GDAP2: variants seen among roughly 807,000 people sequenced by gnomAD.
The protein encoded by GDAP2 is ganglioside induced differentiation associated protein 2, also known as ganglioside-induced differentiation-associated protein 2.
GDAP2 carries 51 observed loss-of-function variants against 67.0 expected under a neutral mutation model. The observed-to-expected ratio is 0.76, with a 90% CI of 0.61 to 0.96. GDAP2 has a LOEUF of 0.96. Ranked by LOEUF, GDAP2 falls within the 40% of genes least tolerant of loss-of-function variation. The pLI is 0.00. For missense variants in GDAP2, 547 were observed against 588.3 expected (o/e 0.93, Z 0.73); for synonymous variants, 203 against 207.3 (o/e 0.98, Z 0.18).
chr1:117,924,400 G>C (rs1018689523), intron 1 of GDAP2, among the ~76,000 whole-genome samples: 1 of 152,186 alleles, frequency 6.6e-6, no homozygotes, highest in Non-Finnish European at 1.5e-5. Context: ...TTCTGTTCCT[G>C]CATTAGTTTG....
Position 117,920,269 on chromosome 1 carries a change from G to A in GDAP2, c.89C>T (p.Ser30Phe), listed in dbSNP as rs557284173. The change falls in exon 2 of 14, where the codon TCT becomes TTT. Residue 30 changes from serine (S) to phenylalanine (F), a missense_variant. Ser to Phe is a radical substitution (Grantham distance 155). Coordinates refer to ENST00000369443, the MANE Select transcript of GDAP2 (RefSeq NM_017686.4). ...GDSCQDELNS[S>F]DTTAEIFQED... ...CTGAAATATTTCAGCTGTAGTATCA[G>A]AGGAATTTAATTCATCTTGGCATGA... The A allele has an allele frequency of 3.7e-6, 6 of 1,607,324 alleles. No individual in the cohort carries two copies. In the African/African-American group the frequency reaches 5.3e-5, roughly 14 times the overall value.
intron 8 of GDAP2, among the ~76,000 whole-genome samples, chr1:117,888,869 T>A (rs536093963): frequency 1.3e-5 from 2 of 152,116 alleles, no homozygotes; most frequent in Admixed American, 1.3e-4. Context: ...TAAAGTACAA[T>A]TGCACAACTG....
chr1:117,906,731 G>C (rs918247096), intron 5 of GDAP2, 149 bp from the exon 6 acceptor site: 8 of 552,670 alleles, frequency 1.4e-5, no homozygotes, highest in Non-Finnish European at 2.5e-5. Context: ...AGTGAAGCCT[G>C]CCCATACTAC....
In GDAP2 at chr1:117,868,500, G is replaced by A. The variant is rs1411647486; in HGVS notation, c.*2069C>T. ...GAACATCCTTTCAAAATCATTGCCT[G>A]TAAGAAATTGTATATATAAATTTGC... On this transcript the variant is annotated 3_prime_UTR_variant, in exon 14 of 14. Coordinates refer to ENST00000369443, the MANE Select transcript of GDAP2 (RefSeq NM_017686.4). 6.6e-6 allele frequency: 1 copy of A among 152,144 alleles called. No individual in the cohort carries two copies. Among genetic ancestry groups the A allele is most frequent in the Admixed American group, 6.6e-5 (1 of 15,262 alleles). The allele number at this position is 152,144 out of a possible 1,614,324, so 9.4% of individuals were successfully genotyped here. A position where few individuals can be genotyped will look rare whatever the true frequency, so the allele number is the denominator to read the frequency against.
chr1:117,876,150 T>C (rs1648446492), intron 13 of GDAP2, among the ~76,000 whole-genome samples: 1 of 152,106 alleles, frequency 6.6e-6, no homozygotes, highest in Non-Finnish European at 1.5e-5. Context: ...TGTGAGGTGT[T>C]TGAGTCATGG....
At chr1:117,898,970 C>T (rs1454621778) in intron 7 of GDAP2, 87 bp downstream of exon 7, 8 of 955,744 alleles carry the variant, frequency 8.4e-6, no homozygotes, top group Non-Finnish European at 1.2e-5. Flanking sequence ...TTCCAAAGGT[C>T]AAGCTGAATT....
intron 8 of GDAP2, among the ~76,000 whole-genome samples, chr1:117,893,092 C>T (rs1451243544): frequency 2.0e-5 from 3 of 152,004 alleles, no homozygotes; most frequent in Non-Finnish European, 4.4e-5. Flanking sequence ...CAACATTTGG[C>T]ACATTAGTAA....
intron 1 of GDAP2, among the ~76,000 whole-genome samples, chr1:117,923,431 T>G (rs978628327): frequency 1.3e-5 from 2 of 152,206 alleles, no homozygotes; most frequent in Non-Finnish European, 2.9e-5. Context: ...CTAATAAATG[T>G]CCATGAAATC....
At chr1:117,896,558 T>G (rs558583933) in intron 8 of GDAP2, 1 of 276,332 alleles carries the variant, frequency 3.6e-6, no homozygotes, top group African/African-American at 2.2e-5. Flanking sequence ...AAACCTCGCA[T>G]GGAGGCATTA....
In GDAP2 at chr1:117,906,675, G is replaced by T. The variant is rs1024142641; in HGVS notation, c.560-93C>A. ...TCTTCAATGTTTTAGTTTTGTAATG[G>T]ATCACTTCTCACTTCATTCAGCACT... On this transcript the variant is annotated intron_variant, in intron 5 of 13. Coordinates refer to ENST00000369443, the MANE Select transcript of GDAP2 (RefSeq NM_017686.4). 4 of 693,282 alleles carry T rather than the reference G, an allele frequency of 5.8e-6. No homozygotes were observed. In the African/African-American group the frequency reaches 7.2e-5, roughly 13 times the overall value. 42.9% of individuals were successfully genotyped at this position (693,282 alleles called of 1,614,324 possible). A position where few individuals can be genotyped will look rare whatever the true frequency, so the allele number is the denominator to read the frequency against.
intron 8 of GDAP2, among the ~76,000 whole-genome samples, chr1:117,889,619 A>C (rs1648996414): frequency 6.6e-6 from 1 of 152,098 alleles, no homozygotes; most frequent in Non-Finnish European, 1.5e-5. Flanking sequence ...TTATATCTTT[A>C]GTATGAAGGT....
chr1:117,912,970 C>G (rs1649912628), intron 3 of GDAP2, among the ~76,000 whole-genome samples: 1 of 152,134 alleles, frequency 6.6e-6, no homozygotes, highest in Non-Finnish European at 1.5e-5. Context: ...GTAACTGACT[C>G]AACAGAGCAG....
rs1226280073 is a variant in GDAP2, at chr1:117,868,905, A to G, written c.*1664T>C. On this transcript the variant is annotated 3_prime_UTR_variant, in exon 14 of 14. Coordinates refer to ENST00000369443, the MANE Select transcript of GDAP2 (RefSeq NM_017686.4). ...GACACAAAGAAAATGTGTTCAATAC[A>G]TGCAAAAGATAAGAACCTTTATCTA... The G allele has an allele frequency of 1.3e-5, 2 of 152,224 alleles. No individual in the cohort carries two copies. Among genetic ancestry groups the G allele is most frequent in the African/African-American group, 4.8e-5 (2 of 41,470 alleles). 9.4% of individuals were successfully genotyped at this position (152,224 alleles called of 1,614,324 possible).
In GDAP2 at chr1:117,887,747, T is replaced by C. The variant is rs766139592; in HGVS notation, c.981A>G (p.Arg327=). The C allele has an allele frequency of 1.9e-6, 3 of 1,578,204 alleles. No homozygotes were observed. Among genetic ancestry groups the C allele is most frequent in the Non-Finnish European group, 2.6e-6 (3 of 1,147,968 alleles). The part of the protein sequence containing the change: ...RNYNRWLCQA[R]SEDLSDIASL... ...AAGCAATATCAGACAGATCCTCAGA[T>C]CTTGCTTGACATAACCAGCGATTAT... The change falls in exon 9 of 14, where the codon AGA becomes AGG. Residue 327 remains arginine (R), a synonymous_variant. Coordinates refer to ENST00000369443, the MANE Select transcript of GDAP2 (RefSeq NM_017686.4).
chr1:117,915,093 A>T (rs1302068858), intron 3 of GDAP2, among the ~76,000 whole-genome samples: 3 of 152,190 alleles, frequency 2.0e-5, no homozygotes, highest in African/African-American at 4.8e-5. Flanking sequence ...TCAAACTGTT[A>T]TCTTCACTCC....
Position 117,896,990 on chromosome 1 carries a change from C to T in GDAP2, c.797-1G>A. 1 of 1,594,354 alleles carries T rather than the reference C, an allele frequency of 6.3e-7. No individual in the cohort carries two copies. The highest frequency in any genetic ancestry group is 8.6e-7 in the Non-Finnish European group (1 of 1,169,374). ...CCTTCATCCTCCTCTTCTTGGTTAT[C>T]TGTAACAAAAATGCAACTATCAATA... On this transcript the variant is annotated splice_acceptor_variant, in intron 7 of 13. Coordinates refer to ENST00000369443, the MANE Select transcript of GDAP2 (RefSeq NM_017686.4). LOFTEE classifies it high-confidence loss of function.
rs1045995341 is a variant in GDAP2, at chr1:117,869,351, G to A, written c.*1218C>T. On this transcript the variant is annotated 3_prime_UTR_variant, in exon 14 of 14. Coordinates refer to ENST00000369443, the MANE Select transcript of GDAP2 (RefSeq NM_017686.4). ...GAGATTCTGGACAAAAGAGGAAGGA[G>A]GTCATCAGGGTTGGAATTTTACACT... 6.6e-6 allele frequency: 1 copy of A among 152,116 alleles called. No homozygotes were observed. The highest frequency in any genetic ancestry group is 2.4e-5 in the African/African-American group (1 of 41,420). 9.4% of individuals were successfully genotyped at this position (152,116 alleles called of 1,614,324 possible).
At position 117,865,956 on chromosome 1, in the gene GDAP2, AAAAC is replaced by A. The variant is rs369649850; in HGVS notation, c.*4609_*4612del. On this transcript the variant is annotated 3_prime_UTR_variant, in exon 14 of 14. Coordinates refer to ENST00000369443, the MANE Select transcript of GDAP2 (RefSeq NM_017686.4). ...CACAGAAGTCCGACTCAAAGAATGTAAAACAAGGCAGATTATGCATATATGTGTG... is the reference window on the plus strand; with the variant it reads ...CACAGAAGTCCGACTCAAAGAATGTAAAGGCAGATTATGCATATATGTGTG... 6.6e-6 allele frequency: 1 copy of A among 152,246 alleles called. No individual in the cohort carries two copies. Among genetic ancestry groups the A allele is most frequent in the African/African-American group, 2.4e-5 (1 of 41,458 alleles). The allele number at this position is 152,246 out of a possible 1,614,324, so 9.4% of individuals were successfully genotyped here. A position where few individuals can be genotyped will look rare whatever the true frequency, so the allele number is the denominator to read the frequency against.
intron 5 of GDAP2, among the ~76,000 whole-genome samples, chr1:117,910,456 A>C (rs901489495): frequency 6.6e-6 from 1 of 152,190 alleles, no homozygotes; most frequent in African/African-American, 2.4e-5. Context: ...AAATATACAA[A>C]TTTACTATAA....
Sources: allele counts gnomAD v4.1 joint callset (sites outside exome capture counted in the v4.1 genomes callset), GRCh38; gene constraint gnomAD v4.1.1; transcripts MANE v1.5; gene names NCBI Gene and HGNC (gene_info 2026-07-23, HGNC 2026-07-21).